The following DPYSL4 variants were observed in gnomAD, a reference collection of about 807,000 sequenced individuals.
DPYSL4 encodes the protein dihydropyrimidinase-related protein 4.
Under a neutral mutation model 63.4 loss-of-function variants are expected in DPYSL4, and 43 were observed. The observed-to-expected ratio is 0.68, with a 90% CI of 0.53 to 0.88. The LOEUF (loss-of-function observed/expected upper bound fraction) is 0.88, where lower values mean the gene tolerates loss of function less well. Ranked by LOEUF, DPYSL4 falls within the 40% of genes least tolerant of loss-of-function variation. The probability of loss-of-function intolerance (pLI) is 0.00; values close to 1 mark genes in which losing one functional copy is unlikely to be tolerated. For missense variants in DPYSL4, 733 were observed against 819.5 expected, an observed-to-expected ratio of 0.89 and a Z score of 1.29; for synonymous variants, 353 against 331.7, an observed-to-expected ratio of 1.06 and a Z score of -0.70.
intron 6 of DPYSL4, among the ~76,000 whole-genome samples, chr10:132,197,589 C>T (rs1209578424): frequency 6.6e-6 from 1 of 152,230 alleles, no homozygotes; most frequent in Admixed American, 6.5e-5. Flanking sequence ...CTTGTTTTCC[C>T]CTCTAGCAGA....
Position 132,196,006 on chromosome 10 carries a change from C to T in DPYSL4, c.479-855C>T, listed in dbSNP as rs537863905. ...CACTGCGCAACCCAAACATGACCTTCCTCAGACACTCGGGGGCAGGCCTCA... is the reference window on the plus strand; with the variant it reads ...CACTGCGCAACCCAAACATGACCTTTCTCAGACACTCGGGGGCAGGCCTCA... On this transcript the variant is annotated intron_variant, in intron 4 of 13. Transcript: ENST00000338492. Among the ~76,000 whole-genome samples, 3 of 152,344 alleles carry T rather than the reference C, an allele frequency of 2.0e-5. No homozygotes were observed. In the East Asian group the frequency reaches 5.8e-4, roughly 29 times the overall value.
intron 2 of DPYSL4, among the ~76,000 whole-genome samples, chr10:132,191,727 A>ATTGACTTTT (rs1590090240): frequency 1.1e-5 from 1 of 90,018 alleles, no homozygotes; most frequent in East Asian, 1.9e-3. Flanking sequence ...GTATCCAGGC[A>ATTGACTTTT]GGTGAAAGTA....
intron 2 of DPYSL4, among the ~76,000 whole-genome samples, chr10:132,191,352 G>A (rs1421150927): frequency 7.0e-6 from 1 of 143,242 alleles, no homozygotes; most frequent in Non-Finnish European, 1.5e-5. Context: ...GCAGTTGAAA[G>A]TATGTTCCCA....
chr10:132,200,660 G>A, intron 9 of DPYSL4, 148 bp downstream of exon 9: 2 of 1,379,420 alleles, frequency 1.4e-6, no homozygotes, highest in Admixed American at 2.4e-5. Flanking sequence ...TTTGGTCCCA[G>A]CGGGGGCTCC....
chr10:132,187,186 G>A, intron 1 of DPYSL4, 84 bp downstream of exon 1: 1 of 1,016,088 alleles, frequency 9.8e-7, no homozygotes, highest in Non-Finnish European at 1.4e-6. Context: ...TCCTGGTCTT[G>A]TGCGTGGGTG....
At chr10:132,196,979 C>A (rs760823565) in intron 5 of DPYSL4, 42 bp from the exon 6 acceptor site, 2 of 1,612,954 alleles carry the variant, frequency 1.2e-6, no homozygotes, top group Non-Finnish European at 1.7e-6. Context: ...GCTGCTGGTG[C>A]AGGCGCAGCC....
intron 1 of DPYSL4, among the ~76,000 whole-genome samples, chr10:132,190,304 A>C (rs2061856365): frequency 6.6e-6 from 1 of 152,228 alleles, no homozygotes; most frequent in Admixed American, 6.5e-5. Context: ...GGGTGGAACC[A>C]AAGTCCAGCT....
chr10:132,187,743 G>A (rs749136091), intron 1 of DPYSL4, among the ~76,000 whole-genome samples: 6 of 152,246 alleles, frequency 3.9e-5, no homozygotes, highest in Non-Finnish European at 7.3e-5. Flanking sequence ...GCCACTGGCC[G>A]GGAACCCTGG....
At chr10:132,187,253 G>T (rs1229876541) in intron 1 of DPYSL4, 151 bp downstream of exon 1, 16 of 526,404 alleles carry the variant, frequency 3.0e-5, no homozygotes, top group Non-Finnish European at 4.9e-5. Context: ...TCCCTGCTCG[G>T]CTCCTTCGCG....
Position 132,187,109 on chromosome 10 carries a change from C to G in DPYSL4, c.39+7C>G. On this transcript the variant is annotated splice_region_variant and intron_variant, in intron 1 of 13. Transcript: ENST00000338492. ...AAGCATCCCCCGGATCACGGTGAGC[C>G]CGGTCCCGCTTCGCCCGGCGCCCCC... 1 of 1,529,690 alleles carries G rather than the reference C, an allele frequency of 6.5e-7. No individual in the cohort carries two copies. The highest frequency in any genetic ancestry group is 8.8e-7 in the Non-Finnish European group (1 of 1,133,890). The allele number at this position is 1,529,690 out of a possible 1,614,324, so 94.8% of individuals were successfully genotyped here. A position where few individuals can be genotyped will look rare whatever the true frequency, so the allele number is the denominator to read the frequency against.
Position 132,200,390 on chromosome 10 carries a change from C to T in DPYSL4, c.846C>T (p.Ser282=), listed in dbSNP as rs1249997579. The change falls in exon 9 of 14, where the codon AGC becomes AGT. Residue 282 remains serine (S), a synonymous_variant. Transcript: ENST00000338492. ...VVVFGEPITA[S]LGTDGSHYWS... is the part of the protein sequence containing the mutation. ...TGTTTGGGGAGCCCATCACCGCCAGCCTGGGCACCGACGGTTCACACTACT... is the reference window on the plus strand; with the variant it reads ...TGTTTGGGGAGCCCATCACCGCCAGTCTGGGCACCGACGGTTCACACTACT... 1 of 1,613,332 alleles carries T rather than the reference C, an allele frequency of 6.2e-7. No individual in the cohort carries two copies. The highest frequency in any genetic ancestry group is 1.3e-5 in the African/African-American group (1 of 74,912).
Position 132,205,254 on chromosome 10 carries a change from A to C in DPYSL4, c.*324A>C, listed in dbSNP as rs2062081378. The C allele has an allele frequency of 4.3e-6, 1 of 231,554 alleles. No homozygotes were observed. Among genetic ancestry groups the C allele is most frequent in the Non-Finnish European group, 8.4e-6 (1 of 119,288 alleles). The allele number at this position is 231,554 out of a possible 1,614,324, so 14.3% of individuals were successfully genotyped here. A position where few individuals can be genotyped will look rare whatever the true frequency, so the allele number is the denominator to read the frequency against. The stretch of plus-strand genomic sequence containing the variant: ...TGGGGACAGGGAACCTGCCGGGCTC[A>C]CAGTGTGGGAGCAGCTGGACACCAG... On this transcript the variant is annotated 3_prime_UTR_variant, in exon 14 of 14. Coordinates refer to ENST00000338492, the MANE Select transcript of DPYSL4 (RefSeq NM_006426.3).
chr10:132,198,503 C>G lies in DPYSL4; in HGVS notation c.690+20C>G. 6.3e-7 allele frequency: 1 copy of G among 1,588,774 alleles called. No homozygotes were observed. Among genetic ancestry groups the G allele is most frequent in the Non-Finnish European group, 8.5e-7 (1 of 1,171,626 alleles). ...GAGGAGGTAAGATCCCAGGGCACCA[C>G]AGCACACCCGAGCCAACTCCGCCCA... On this transcript the variant is annotated intron_variant, in intron 7 of 13. Transcript: ENST00000338492.
intron 1 of DPYSL4, among the ~76,000 whole-genome samples, chr10:132,189,242 C>T (rs2061842590): frequency 6.6e-6 from 1 of 152,240 alleles, no homozygotes; most frequent in African/African-American, 2.4e-5. Flanking sequence ...GAGGCGCACG[C>T]CAGACGGTGG....
intron 3 of DPYSL4, 104 bp from the exon 4 acceptor site, chr10:132,194,741 G>A: frequency 6.9e-6 from 10 of 1,459,038 alleles, no homozygotes; most frequent in Non-Finnish European, 8.4e-6. Flanking sequence ...CCCTCAAATG[G>A]TCCTCTGGTC....
Position 132,186,996 on chromosome 10 carries a change from C to CGGGGGGGGGGGGGGGGGG in DPYSL4, c.-68_-67insGGGGGGGGGGGGGGGGGG. The stretch of plus-strand genomic sequence containing the variant: ...ACGCACGCGTCCCGGCTCACGCGTC[C>CGGGGGGGGGGGGGGGGGG]CCCCGCCCGCCCGCCCGCCCGCCCG... On this transcript the variant is annotated 5_prime_UTR_variant, in exon 1 of 14. Transcript: ENST00000338492. 2 of 37,600 alleles carry CGGGGGGGGGGGGGGGGGG rather than the reference C, an allele frequency of 5.3e-5. No individual in the cohort carries two copies. Among genetic ancestry groups the CGGGGGGGGGGGGGGGGGG allele is most frequent in the Non-Finnish European group, 1.0e-4 (2 of 20,070 alleles). The allele number at this position is 37,600 out of a possible 1,614,324, so 2.3% of individuals were successfully genotyped here.
intron 11 of DPYSL4, 99 bp downstream of exon 11, chr10:132,202,215 G>A: frequency 6.9e-6 from 10 of 1,459,244 alleles, no homozygotes; most frequent in Non-Finnish European, 9.2e-6. Flanking sequence ...CCACGTGGCA[G>A]CAGCAGTGGC....
chr10:132,200,195 C>T (rs1485216716), intron 8 of DPYSL4, among the ~76,000 whole-genome samples, 161 bp from the exon 9 acceptor site: 1 of 152,224 alleles, frequency 6.6e-6, no homozygotes, highest in Non-Finnish European at 1.5e-5. Flanking sequence ...ACCCAGGCCT[C>T]TGCCCCACTT....
chr10:132,195,140 G>T lies in DPYSL4; in HGVS notation c.478+131G>T, dbSNP rs1230277816. On this transcript the variant is annotated intron_variant, in intron 4 of 13. Coordinates refer to ENST00000338492, the MANE Select transcript of DPYSL4 (RefSeq NM_006426.3). Reference sequence around the variant, plus strand: ...TGTCCAGGTTTGAGTGGAAGTTGGAGAAAAGTCATTTGAAGGCCCATCCCA... The same window carrying T: ...TGTCCAGGTTTGAGTGGAAGTTGGATAAAAGTCATTTGAAGGCCCATCCCA... 6.1e-6 allele frequency: 7 copies of T among 1,145,036 alleles called. No individual in the cohort carries two copies. In the Admixed American group the frequency reaches 1.8e-4, roughly 29 times the overall value. The allele number at this position is 1,145,036 out of a possible 1,614,324, so 70.9% of individuals were successfully genotyped here.
Sources: gnomAD v4.1 joint callset for allele counts (sites outside exome capture counted in the v4.1 genomes callset) on GRCh38, gnomAD v4.1.1 for gene constraint, MANE v1.5 for transcripts, NCBI Gene and HGNC (gene_info 2026-07-23, HGNC 2026-07-21) for gene names.